The following STK10 variants were observed in gnomAD, a reference collection of about 807,000 sequenced individuals.
STK10 encodes the protein serine/threonine kinase 10.
A neutral mutation model predicts 113.8 loss-of-function variants in STK10; 78 were observed. The observed-to-expected ratio is 0.69, with a 90% confidence interval of 0.57 to 0.83. The LOEUF (loss-of-function observed/expected upper bound fraction) is 0.83, where lower values mean the gene tolerates loss of function less well. Ranked by LOEUF, STK10 falls within the 40% of genes least tolerant of loss-of-function variation. The pLI is 0.00. For synonymous variants in STK10, 465 were observed against 494.7 expected (o/e 0.94, Z 0.80); for missense variants, 1,109 against 1,280.1 (o/e 0.87, Z 2.04).
In STK10 at chr5:172,061,189, A is replaced by T. The variant is rs764454211; in HGVS notation, c.2162T>A (p.Ile721Asn). ...KRLTTDNRRE[I>N]CDKERECLMK... ...GAGGCACTCGCGCTCCTTGTCACAG[A>T]TCTCCCGCCTGTTGTCGGTGGTGAG... is the stretch of plus-strand genomic sequence containing the variant. The change falls in exon 14 of 19, where the codon ATC becomes AAC. Residue 721 changes from isoleucine to asparagine, a missense_variant. This residue lies in a region of STK10 where 885 missense variants were observed against 991.1 expected (regional missense o/e 0.89). Transcript: ENST00000176763. The T allele has an allele frequency of 1.2e-6, 2 of 1,610,320 alleles. No homozygotes were observed. Among genetic ancestry groups the T allele is most frequent in the South Asian group, 2.2e-5 (2 of 90,868 alleles).
chr5:172,068,846 T>C (rs73319817), intron 12 of STK10, among the ~76,000 whole-genome samples: 28,691 of 150,932 alleles, frequency 0.19, 2,953 homozygotes, highest in East Asian at 0.38. Flanking sequence ...GATCATACCA[T>C]TGCACTTCAG....
chr5:172,097,752 T>C (rs1362852464), intron 7 of STK10, among the ~76,000 whole-genome samples: 1 of 152,184 alleles, frequency 6.6e-6, no homozygotes, highest in African/African-American at 2.4e-5. Context: ...GACATATGTG[T>C]TTGGTTTTAA....
chr5:172,103,734 T>G (rs1769043170), intron 7 of STK10, among the ~76,000 whole-genome samples: 1 of 152,198 alleles, frequency 6.6e-6, no homozygotes, highest in Admixed American at 6.5e-5. Flanking sequence ...GACCTCATTT[T>G]GCATTCTGGT....
chr5:172,125,362 C>A (rs1769597769), intron 3 of STK10, among the ~76,000 whole-genome samples: 1 of 151,978 alleles, frequency 6.6e-6, no homozygotes, highest in Admixed American at 6.6e-5. Context: ...TTTATGGGTA[C>A]AAGTCATCTG....
At chr5:172,153,286 CAAAAAGAAAGAA>C (rs1770276406) in intron 2 of STK10, among the ~76,000 whole-genome samples, 1 of 91,688 alleles carries the variant, frequency 1.1e-5, no homozygotes. Context: ...AACTCCATCT[CAAAAAGAAAGAA>C]AGAAAGAAAG....
intron 2 of STK10, among the ~76,000 whole-genome samples, chr5:172,141,305 G>A (rs780193206): frequency 3.3e-5 from 5 of 152,290 alleles, no homozygotes; most frequent in East Asian, 1.9e-4. Context: ...GGCCAGGCGC[G>A]GTGGCTCATG....
At chr5:172,160,864 A>T (rs1463265360) in intron 1 of STK10, among the ~76,000 whole-genome samples, 1 of 152,132 alleles carries the variant, frequency 6.6e-6, no homozygotes, top group Non-Finnish European at 1.5e-5. Flanking sequence ...TTGCATCAGG[A>T]TCCTCTAACG....
intron 12 of STK10, among the ~76,000 whole-genome samples, chr5:172,077,430 C>T (rs1326052128): frequency 6.6e-6 from 1 of 152,198 alleles, no homozygotes; most frequent in African/African-American, 2.4e-5. Context: ...GAAGTTACAA[C>T]TGTCAAGCCA....
At chr5:172,117,346 G>C in intron 4 of STK10, 135 bp downstream of exon 4, 1 of 909,698 alleles carries the variant, frequency 1.1e-6, no homozygotes, top group East Asian at 2.7e-5. Flanking sequence ...GAGAACTGCT[G>C]ACATGCCAAG....
intron 12 of STK10, among the ~76,000 whole-genome samples, chr5:172,079,497 C>T (rs1361274329): frequency 6.6e-6 from 1 of 152,040 alleles, no homozygotes. Flanking sequence ...GTTTGTTTGT[C>T]TGGCTTCTCT....
chr5:172,071,212 C>CAA lies in STK10; in HGVS notation c.1990-6402_1990-6401dup, dbSNP rs369407918. On this transcript the variant is annotated intron_variant, in intron 12 of 18. Coordinates refer to ENST00000176763, the MANE Select transcript of STK10 (RefSeq NM_005990.4). ...CGACAGAGTGAGACGCTCTCTATCT[C>CAA]AAAAAAAAAAAAAAAAAAAAAAAAA... 7.9e-3 allele frequency among the ~76,000 whole-genome samples: 209 copies of CAA among 26,570 alleles called. 13 individuals carry two copies. Among genetic ancestry groups the CAA allele is most frequent in the African/African-American group, 0.015 (141 of 9,550 alleles). The allele number at this position is 26,570 out of a possible 152,430, so 17.4% of individuals were successfully genotyped here.
chr5:172,089,294 T>C (rs1370600147), intron 10 of STK10, among the ~76,000 whole-genome samples: 1 of 152,228 alleles, frequency 6.6e-6, no homozygotes, highest in African/African-American at 2.4e-5. Flanking sequence ...GATTATCTTG[T>C]GTACTGTATG....
At chr5:172,116,329 A>G (rs1258164314) in intron 4 of STK10, among the ~76,000 whole-genome samples, 2 of 151,648 alleles carry the variant, frequency 1.3e-5, no homozygotes, top group Admixed American at 6.6e-5. Flanking sequence ...TGATCCACCC[A>G]CCTCGGCCTC....
chr5:172,131,246 G>C (rs926223367), intron 2 of STK10, among the ~76,000 whole-genome samples: 1 of 152,082 alleles, frequency 6.6e-6, no homozygotes, highest in African/African-American at 2.4e-5. Context: ...GTGTTAGCCA[G>C]GATGGTCTCG....
chr5:172,087,181 T>C (rs1351404958), intron 10 of STK10, among the ~76,000 whole-genome samples: 1 of 148,616 alleles, frequency 6.7e-6, no homozygotes, highest in Non-Finnish European at 1.5e-5. Context: ...TAGTGAAAAG[T>C]CTGTTTTTCC....
intron 2 of STK10, among the ~76,000 whole-genome samples, chr5:172,148,855 C>T (rs1770144540): frequency 6.6e-6 from 1 of 152,252 alleles, no homozygotes; most frequent in Non-Finnish European, 1.5e-5. Flanking sequence ...ACCGTTCTAA[C>T]CCTTGGTCTT....
intron 2 of STK10, among the ~76,000 whole-genome samples, chr5:172,138,049 A>G (rs912396836): frequency 6.6e-6 from 1 of 152,188 alleles, no homozygotes; most frequent in Admixed American, 6.6e-5. Flanking sequence ...TAGCACTGAG[A>G]GTCCTAGCCA....
chr5:172,057,556 C>T lies in STK10; in HGVS notation c.2213-83G>A. ...CCCCTGCCCCCCACCTCTGCCTGGC[C>T]TCCTCATGCTGGAGATGATAACCAA... On this transcript the variant is annotated intron_variant, in intron 14 of 18. Transcript: ENST00000176763. 5 of 1,499,118 alleles carry T rather than the reference C, an allele frequency of 3.3e-6. No homozygotes were observed. In the South Asian group the frequency reaches 5.2e-5, roughly 16 times the overall value. 92.9% of individuals were successfully genotyped at this position (1,499,118 alleles called of 1,614,324 possible).
chr5:172,119,855 C>G (rs918850174), intron 3 of STK10, among the ~76,000 whole-genome samples: 5 of 145,694 alleles, frequency 3.4e-5, no homozygotes, highest in Non-Finnish European at 6.0e-5. Flanking sequence ...CAGAGCGAGA[C>G]TCCATCTCAA....
Sources: allele counts gnomAD v4.1 joint callset (sites outside exome capture counted in the v4.1 genomes callset), GRCh38; gene constraint gnomAD v4.1.1; regional missense constraint gnomAD v4.1.1; transcripts MANE v1.5; gene names NCBI Gene and HGNC (gene_info 2026-07-23, HGNC 2026-07-21).